MLIP: variants seen among roughly 807,000 people sequenced by gnomAD.
MLIP encodes muscular LMNA-interacting protein.
In MLIP, 79 loss-of-function variants were observed where a neutral mutation model predicts 84.8. The ratio of observed to expected loss-of-function variants is 0.93; its 90% CI spans 0.78 to 1.12. The LOEUF (loss-of-function observed/expected upper bound fraction) is 1.12. Among genes scored for constraint, MLIP ranks in the 50% most tolerant of loss-of-function variants. The pLI is 0.00. For missense variants in MLIP, 1,257 were observed against 1,160.6 expected, an observed-to-expected ratio of 1.08 and a Z score of -1.21; for synonymous variants, 504 against 463.0, an observed-to-expected ratio of 1.09 and a Z score of -1.14.
chr6:54,190,794 T>G (rs983947802), intron 10 of MLIP, among the ~76,000 whole-genome samples: 19 of 151,688 alleles, frequency 1.3e-4, no homozygotes, highest in Non-Finnish European at 2.6e-4. Context: ...GTCAAAGATT[T>G]TCTTTTTTTT....
intron 1 of MLIP, among the ~76,000 whole-genome samples, chr6:54,052,242 A>G (rs1765418324): frequency 6.6e-6 from 1 of 152,154 alleles, no homozygotes; most frequent in South Asian, 2.1e-4. Flanking sequence ...GGCTCAGATG[A>G]ACATCTACCT....
At chr6:54,105,028 T>G (rs1768911226) in intron 1 of MLIP, among the ~76,000 whole-genome samples, 1 of 152,208 alleles carries the variant, frequency 6.6e-6, no homozygotes, top group African/African-American at 2.4e-5. Flanking sequence ...GAAGGGCACG[T>G]TGGATAACGC....
chr6:54,026,600 G>T (rs1763815607), intron 1 of MLIP, among the ~76,000 whole-genome samples: 1 of 152,170 alleles, frequency 6.6e-6, no homozygotes, highest in East Asian at 1.9e-4. Context: ...GAGAATTAAA[G>T]TCCTAATGTG....
intron 3 of MLIP, among the ~76,000 whole-genome samples, chr6:54,126,861 A>G (rs1395022105): frequency 6.6e-6 from 1 of 152,168 alleles, no homozygotes; most frequent in Non-Finnish European, 1.5e-5. Flanking sequence ...TTGTCTGTAA[A>G]TTACCTCTAT....
chr6:54,215,416 G>C, intron 11 of MLIP: 1 of 1,229,362 alleles, frequency 8.1e-7, no homozygotes, highest in Non-Finnish European at 1.0e-6. Context: ...ATAAGTATTT[G>C]TGATTTTTTT....
At chr6:54,253,797 C>G (rs556145584) in intron 12 of MLIP, among the ~76,000 whole-genome samples, 6 of 151,948 alleles carry the variant, frequency 3.9e-5, no homozygotes, top group Non-Finnish European at 7.4e-5. Flanking sequence ...ATGTTTTATT[C>G]AAATGTGTTT....
chr6:54,122,992 CGCGATCTCG>C (rs1366117353), intron 2 of MLIP, among the ~76,000 whole-genome samples: 2 of 151,070 alleles, frequency 1.3e-5, no homozygotes, highest in African/African-American at 4.9e-5. Context: ...AGTGCAGTGG[CGCGATCTCG>C]GCTCACTGCA....
Position 54,069,153 on chromosome 6 carries a change from C to T in MLIP, c.63+50062C>T, listed in dbSNP as rs1279107894. 1.6e-4 allele frequency among the ~76,000 whole-genome samples: 16 copies of T among 101,166 alleles called. 3 individuals carry two copies. The highest frequency in any genetic ancestry group is 3.6e-4 in the African/African-American group (14 of 39,416). 66.4% of individuals were successfully genotyped at this position (101,166 alleles called of 152,430 possible). A position where few individuals can be genotyped will look rare whatever the true frequency, so the allele number is the denominator to read the frequency against. ...GTTTTAAGAATCTGTGCTGTGTCTCCGTGTCTGCAATCCAGGGTTGCAACT... is the reference window on the plus strand; with the variant it reads ...GTTTTAAGAATCTGTGCTGTGTCTCTGTGTCTGCAATCCAGGGTTGCAACT... On this transcript the variant is annotated intron_variant, in intron 1 of 12. Coordinates refer to the MLIP transcript ENST00000274897.
Position 54,137,742 on chromosome 6 carries a change from C to A in MLIP, c.1673C>A (p.Ser558Tyr). ...VGLPPVPPSS[S>Y]LSSLKSKQDG... ...CTTCCTCCTGTTCCACCAAGCTCTT[C>A]TCTTTCCTCTTTGAAGAGTAAACAG... The change falls in exon 4 of 14, where the codon TCT (serine) becomes TAT (tyrosine). Residue 558 changes from serine (S) to tyrosine (Y), a missense_variant. Ser to Tyr is a moderately radical substitution (Grantham distance 144, BLOSUM62 -2). Transcript: ENST00000502396. The A allele has an allele frequency of 1.3e-6, 2 of 1,536,120 alleles. No individual in the cohort carries two copies. Among genetic ancestry groups the A allele is most frequent in the Non-Finnish European group, 1.7e-6 (2 of 1,146,892 alleles).
At chr6:54,036,331 A>C (rs1764439627) in intron 1 of MLIP, among the ~76,000 whole-genome samples, 1 of 151,488 alleles carries the variant, frequency 6.6e-6, no homozygotes, top group African/African-American at 2.4e-5. Context: ...AATCACAAGC[A>C]TTCCTATACA....
intron 5 of MLIP, among the ~76,000 whole-genome samples, chr6:54,155,184 TC>T: frequency 6.6e-6 from 1 of 152,260 alleles, no homozygotes; most frequent in Admixed American, 6.5e-5. Context: ...ACCTGCAAGC[TC>T]CTTTGGTTTG....
intron 4 of MLIP, among the ~76,000 whole-genome samples, chr6:54,141,744 T>C (rs997073000): frequency 6.6e-6 from 1 of 152,192 alleles, no homozygotes; most frequent in African/African-American, 2.4e-5. Flanking sequence ...TTTAAATTTT[T>C]ATCCTAGTGA....
At chr6:54,214,778 G>A (rs1779731169) in intron 11 of MLIP, among the ~76,000 whole-genome samples, 1 of 152,270 alleles carries the variant, frequency 6.6e-6, no homozygotes, top group Non-Finnish European at 1.5e-5. Flanking sequence ...GTTGACAGAA[G>A]GAACACAGAA....
intron 9 of MLIP, among the ~76,000 whole-genome samples, chr6:54,170,449 G>A (rs988763084): frequency 6.6e-6 from 1 of 151,600 alleles, no homozygotes; most frequent in Non-Finnish European, 1.5e-5. Context: ...ATCACATCCA[G>A]AAAATTATGT....
chr6:54,075,247 C>CAAA (rs35589839), intron 1 of MLIP, among the ~76,000 whole-genome samples: 136 of 93,004 alleles, frequency 1.5e-3, no homozygotes, highest in Middle Eastern at 6.0e-3. Flanking sequence ...AACTCCGTCT[C>CAAA]AAAAAAAAAA....
chr6:54,167,641 C>A (rs1562006987), intron 8 of MLIP, among the ~76,000 whole-genome samples: 1 of 151,660 alleles, frequency 6.6e-6, no homozygotes, highest in South Asian at 2.1e-4. Context: ...TGCTAGATAT[C>A]CTATTTGAAA....
chr6:54,175,022 T>C (rs1776142229), intron 9 of MLIP, among the ~76,000 whole-genome samples: 1 of 152,072 alleles, frequency 6.6e-6, no homozygotes, highest in Non-Finnish European at 1.5e-5. Context: ...TCCTTATGTG[T>C]GTTCTTGCCA....
intron 1 of MLIP, among the ~76,000 whole-genome samples, chr6:54,029,668 T>C (rs190241502): frequency 2.6e-5 from 4 of 152,288 alleles, no homozygotes; most frequent in Admixed American, 2.6e-4. Context: ...CTATATACTA[T>C]GTGAAATCAT....
At position 54,138,074 on chromosome 6, in the gene MLIP, A is replaced by T. The variant is rs1274177620; in HGVS notation, c.2005A>T (p.Thr669Ser). Residue 669 changes from threonine (T) to serine (S), a missense_variant, in exon 4 of 14, where the codon ACC (threonine) becomes TCC (serine). Physicochemically the swap from Thr to Ser is moderately conservative, Grantham distance 58. Coordinates refer to ENST00000502396, the MANE Select transcript of MLIP (RefSeq NM_001281747.2). ...CTCTCTCCCTCATGCCAATCTGCCC[A>T]CCCTGGTGCCCCAGCTCAGTCCCTC... is the stretch of plus-strand genomic sequence containing the variant. ...SSSLPHANLP[T>S]LVPQLSPSAL... 1 of 1,535,968 alleles carries T rather than the reference A, an allele frequency of 6.5e-7. No individual in the cohort carries two copies. Among genetic ancestry groups the T allele is most frequent in the Non-Finnish European group, 8.7e-7 (1 of 1,146,856 alleles).
Sources: allele counts gnomAD v4.1 joint callset (sites outside exome capture counted in the v4.1 genomes callset), GRCh38; gene constraint gnomAD v4.1.1; transcripts MANE v1.5; gene names NCBI Gene and HGNC (gene_info 2026-07-23, HGNC 2026-07-21).